Variants in UBXN2B observed in about 807,000 individuals in gnomAD.
The protein encoded by UBXN2B is UBX domain-containing protein 2B.
UBXN2B carries 19 observed loss-of-function variants against 37.5 expected under a neutral mutation model. The ratio of observed to expected loss-of-function variants is 0.51; its 90% CI spans 0.35 to 0.74. The LOEUF (loss-of-function observed/expected upper bound fraction) is 0.74. Among genes scored for constraint, UBXN2B ranks in the 30% least tolerant of loss-of-function variants. The pLI, the probability that UBXN2B is intolerant of heterozygous loss-of-function variation, is 0.01. For missense variants in UBXN2B, 370 were observed against 393.2 expected (o/e 0.94, Z 0.50); for synonymous variants, 145 against 143.8 (o/e 1.01, Z -0.06).
chr8:58,427,669 A>G (rs916528670), intron 2 of UBXN2B, among the ~76,000 whole-genome samples: 3 of 152,224 alleles, frequency 2.0e-5, no homozygotes, highest in African/African-American at 7.2e-5. Flanking sequence ...GGGAGGGCTT[A>G]TGTGTAGAAA....
At chr8:58,426,019 G>A in intron 2 of UBXN2B, 3 of 1,430,142 alleles carry the variant, frequency 2.1e-6, no homozygotes, top group South Asian at 1.1e-5. Flanking sequence ...TCCCAGAGAG[G>A]TGTCCCTGAA....
At chr8:58,417,607 A>G (rs16923447) in intron 2 of UBXN2B, among the ~76,000 whole-genome samples, 30,705 of 152,158 alleles carry the variant, frequency 0.2, 3,286 homozygotes, top group Middle Eastern at 0.28. Flanking sequence ...GTTGCCAGGA[A>G]TATTTTCATT....
rs1808706259 is a variant in UBXN2B, at chr8:58,447,389, G to T, written c.834G>T (p.Arg278Ser). Residue 278 changes from arginine to serine, a missense_variant and splice_region_variant, in exon 8 of 8, where the codon AGG (arginine) becomes AGT (serine). Arg to Ser is a moderately radical substitution (Grantham distance 110, BLOSUM62 -1). Coordinates refer to ENST00000399598, the MANE Select transcript of UBXN2B (RefSeq NM_001077619.2). ...AATTATTTTTGTCTTATTTCTTCAG[G>T]ATCCTGGATGTCCGGAACTTTATTG... ...RLIQRFNSTH[R>S]ILDVRNFIVQ... is the part of the protein sequence containing the mutation. The T allele has an allele frequency of 6.3e-7, 1 of 1,575,316 alleles. No individual in the cohort carries two copies.
At chr8:58,445,553 C>T (rs904550948) in intron 6 of UBXN2B, among the ~76,000 whole-genome samples, 4 of 152,132 alleles carry the variant, frequency 2.6e-5, no homozygotes, top group Non-Finnish European at 5.9e-5. Context: ...GATTGATGTA[C>T]TTACTCAACT....
At chr8:58,442,875 C>G (rs1808583158) in intron 6 of UBXN2B, among the ~76,000 whole-genome samples, 1 of 152,184 alleles carries the variant, frequency 6.6e-6, no homozygotes, top group Non-Finnish European at 1.5e-5. Flanking sequence ...TCCTACTGTT[C>G]TCTTCAAAAG....
At chr8:58,442,437 A>G (rs1328355210) in intron 6 of UBXN2B, among the ~76,000 whole-genome samples, 1 of 152,242 alleles carries the variant, frequency 6.6e-6, no homozygotes, top group African/African-American at 2.4e-5. Context: ...GTTCAAGACA[A>G]TTATTTACTG....
intron 2 of UBXN2B, among the ~76,000 whole-genome samples, chr8:58,419,844 C>T (rs1000276657): frequency 2.6e-5 from 4 of 152,256 alleles, no homozygotes; most frequent in Non-Finnish European, 5.9e-5. Flanking sequence ...GGAAGGCTTT[C>T]ATAGGCATGT....
intron 2 of UBXN2B, chr8:58,424,536 G>T: frequency 1.2e-6 from 1 of 835,060 alleles, no homozygotes; most frequent in Non-Finnish European, 2.0e-6. Flanking sequence ...ATCTTTTTAG[G>T]GAGAGAGTGA....
intron 2 of UBXN2B, chr8:58,425,354 C>T (rs1808053745): frequency 2.6e-6 from 3 of 1,142,734 alleles, no homozygotes; most frequent in African/African-American, 1.5e-5. Context: ...CGCCAAAAGT[C>T]GTTCACCATG....
chr8:58,439,589 T>G, intron 5 of UBXN2B, 44 bp from the exon 6 acceptor site: 1 of 1,578,250 alleles, frequency 6.3e-7, no homozygotes, highest in South Asian at 1.2e-5. Context: ...GTAGTTTAAT[T>G]CTTGGAAAAC....
At chr8:58,443,129 A>AC (rs1232178888) in intron 6 of UBXN2B, among the ~76,000 whole-genome samples, 1 of 151,352 alleles carries the variant, frequency 6.6e-6, no homozygotes. Flanking sequence ...GCTTTCCTAA[A>AC]CCCCCTCCTC....
At chr8:58,419,810 G>T (rs901400931) in intron 2 of UBXN2B, among the ~76,000 whole-genome samples, 5 of 152,234 alleles carry the variant, frequency 3.3e-5, no homozygotes, top group African/African-American at 4.8e-5. Flanking sequence ...AGCAAATAAG[G>T]TTGGATAGAT....
intron 1 of UBXN2B, among the ~76,000 whole-genome samples, chr8:58,416,423 T>A (rs1347158860): frequency 3.3e-5 from 5 of 152,124 alleles, no homozygotes; most frequent in Non-Finnish European, 7.4e-5. Flanking sequence ...TCTGAAATTG[T>A]TTTATATGCT....
chr8:58,417,219 A>T (rs1004331851), intron 2 of UBXN2B, among the ~76,000 whole-genome samples: 2 of 152,188 alleles, frequency 1.3e-5, no homozygotes, highest in Non-Finnish European at 2.9e-5. Flanking sequence ...TATCATATGA[A>T]ATTATATCCT....
intron 2 of UBXN2B, among the ~76,000 whole-genome samples, chr8:58,420,754 A>G (rs1268559402): frequency 2.0e-5 from 3 of 152,246 alleles, no homozygotes; most frequent in Non-Finnish European, 4.4e-5. Context: ...CACTAAAACC[A>G]ACTGTTCAAT....
At position 58,449,302 on chromosome 8, in the gene UBXN2B, C is replaced by CA. The variant is rs1449692041; in HGVS notation, c.*1752dup. On this transcript the variant is annotated 3_prime_UTR_variant, in exon 8 of 8. Transcript: ENST00000399598. ...CATTATTCTTGCCTACTACAGTTCC[C>CA]ACCCACCCCCCGCTCCACTCCTGTG... 5 of 151,800 alleles carry CA rather than the reference C, an allele frequency of 3.3e-5. No homozygotes were observed. The South Asian group carries it at 8.4e-4, about 26-fold the overall frequency. 9.4% of individuals were successfully genotyped at this position (151,800 alleles called of 1,614,324 possible). A position where few individuals can be genotyped will look rare whatever the true frequency, so the allele number is the denominator to read the frequency against.
At chr8:58,440,826 T>C (rs1808519923) in intron 6 of UBXN2B, among the ~76,000 whole-genome samples, 1 of 152,162 alleles carries the variant, frequency 6.6e-6, no homozygotes, top group Non-Finnish European at 1.5e-5. Flanking sequence ...TAGTCTCCCT[T>C]TCTGTATTCT....
At chr8:58,413,762 G>A (rs80308594) in intron 1 of UBXN2B, among the ~76,000 whole-genome samples, 3,190 of 152,174 alleles carry the variant, frequency 0.021, 67 homozygotes, top group East Asian at 0.11. Context: ...TGCAGACTCG[G>A]AAATGTTTTT....
chr8:58,441,024 G>T (rs1396701064), intron 6 of UBXN2B, among the ~76,000 whole-genome samples: 2 of 147,640 alleles, frequency 1.4e-5, no homozygotes, highest in Non-Finnish European at 1.5e-5. Context: ...ATGGGGTCTT[G>T]CTCTGTTGCC....
Sources: allele counts gnomAD v4.1 joint callset (sites outside exome capture counted in the v4.1 genomes callset), GRCh38; gene constraint gnomAD v4.1.1; transcripts MANE v1.5; gene names NCBI Gene and HGNC (gene_info 2026-07-23, HGNC 2026-07-21).